The following RGS3 variants were observed in gnomAD, a reference collection of about 807,000 sequenced individuals.
RGS3 encodes the protein regulator of G-protein signalling 3.
A neutral mutation model predicts 132.6 loss-of-function variants in RGS3; 80 were observed. That is an observed-to-expected ratio of 0.60 (90% CI 0.50 to 0.73). RGS3 has a LOEUF of 0.73. Among genes scored for constraint, RGS3 ranks in the 30% least tolerant of loss-of-function variants. The pLI, the probability that RGS3 is intolerant of heterozygous loss-of-function variation, is 0.00. For missense variants in RGS3, 1,382 were observed against 1,530.8 expected (o/e 0.90, Z 1.62); for synonymous variants, 598 against 620.6 (o/e 0.96, Z 0.54).
At chr9:113,592,850 G>T (rs1181615168) in intron 21 of RGS3, 1 of 152,092 alleles carries the variant, frequency 6.6e-6, no homozygotes, top group Non-Finnish European at 1.5e-5. Flanking sequence ...GTAATAATAA[G>T]AATAACCATT....
chr9:113,579,563 GC>G lies in RGS3; in HGVS notation c.2038-3884del, dbSNP rs1314740103. On this transcript the variant is annotated intron_variant, in intron 19 of 24. Coordinates refer to ENST00000350696, the Ensembl canonical transcript of RGS3. This position sits in a 1 kb window ranked among gnomAD's most constrained non-coding sequence, Gnocchi z 4.3. ...TGGCTTCCAGCACTCTAGACCCAAG[GC>G]CCTGGGTGAGCAAGCTGGTCTTCCT... 6.6e-6 allele frequency among the ~76,000 whole-genome samples: 1 copy of G among 152,142 alleles called. No individual in the cohort carries two copies. Among genetic ancestry groups the G allele is most frequent in the Non-Finnish European group, 1.5e-5 (1 of 68,016 alleles).
exon 19 of RGS3, chr9:113,536,908 C>T (rs760001285): frequency 2.4e-5 from 39 of 1,613,912 alleles, no homozygotes; most frequent in East Asian, 2.0e-4. Flanking sequence ...GCATCACCCC[C>T]GGACAGCAAG....
chr9:113,584,806 C>T (rs1400309459), intron 20 of RGS3, among the ~76,000 whole-genome samples: 1 of 152,242 alleles, frequency 6.6e-6, no homozygotes, highest in Non-Finnish European at 1.5e-5. Flanking sequence ...AATGACAACA[C>T]ACATTTATTC....
chr9:113,524,743 CA>C (rs1480878290), intron 17 of RGS3, among the ~76,000 whole-genome samples: 3 of 152,244 alleles, frequency 2.0e-5, no homozygotes, highest in Non-Finnish European at 4.4e-5. Context: ...TGCCCTCACA[CA>C]GAACCCCAGA....
At chr9:113,470,588 T>C (rs1302300936) in intron 3 of RGS3, among the ~76,000 whole-genome samples, 1 of 152,262 alleles carries the variant, frequency 6.6e-6, no homozygotes, top group Non-Finnish European at 1.5e-5. Context: ...ATTTAATATT[T>C]GCCTGACATA....
chr9:113,527,547 G>T (rs1246498787), intron 17 of RGS3, among the ~76,000 whole-genome samples: 3 of 152,180 alleles, frequency 2.0e-5, no homozygotes, highest in Admixed American at 6.5e-5. Flanking sequence ...CCAGTCCATC[G>T]CTAGGTGGGA....
At chr9:113,541,273 G>C in intron 19 of RGS3, 1 of 1,588,782 alleles carries the variant, frequency 6.3e-7, no homozygotes, top group Non-Finnish European at 8.6e-7. Flanking sequence ...CAGGCAGCCC[G>C]GCCTGAGTAG....
intron 24 of RGS3, among the ~76,000 whole-genome samples, chr9:113,596,532 G>A (rs1013252923): frequency 1.3e-5 from 2 of 152,302 alleles, no homozygotes; most frequent in East Asian, 1.9e-4. Flanking sequence ...TTTGAACCCA[G>A]GAAGCCTAAC....
chr9:113,475,996 G>A (rs1262339625), intron 3 of RGS3, among the ~76,000 whole-genome samples: 2 of 150,572 alleles, frequency 1.3e-5, no homozygotes, highest in Admixed American at 1.3e-4. Flanking sequence ...GAGTTGCAGT[G>A]GTGTGATCAT....
At chr9:113,563,918 C>T (rs1322346923) in intron 19 of RGS3, among the ~76,000 whole-genome samples, 1 of 152,106 alleles carries the variant, frequency 6.6e-6, no homozygotes, top group Non-Finnish European at 1.5e-5. Flanking sequence ...GTGCTTCAGC[C>T]TAGGTGGCCA....
chr9:113,572,868 T>A (rs1047332125), intron 19 of RGS3, among the ~76,000 whole-genome samples: 5 of 151,990 alleles, frequency 3.3e-5, no homozygotes, highest in African/African-American at 9.7e-5. Context: ...CTTCCAAGTT[T>A]CCCCCCCTGA....
intron 19 of RGS3, among the ~76,000 whole-genome samples, chr9:113,566,727 AC>A (rs1341248942): frequency 6.6e-6 from 1 of 152,204 alleles, no homozygotes; most frequent in East Asian, 1.9e-4. Context: ...AAAACTTTCC[AC>A]ATCCTGCTGC....
At chr9:113,466,141 G>A (rs527335754) in intron 3 of RGS3, among the ~76,000 whole-genome samples, 1 of 152,210 alleles carries the variant, frequency 6.6e-6, no homozygotes, top group Non-Finnish European at 1.5e-5. Context: ...GCCATAGAGC[G>A]TTCAGACTGT....
In RGS3 at chr9:113,507,685, G is replaced by C. The variant is rs1020033624; in HGVS notation, c.1437+47G>C. 2 of 1,401,990 alleles carry C rather than the reference G, an allele frequency of 1.4e-6. No homozygotes were observed. The highest frequency in any genetic ancestry group is 1.9e-6 in the Non-Finnish European group (2 of 1,063,762). 86.8% of individuals were successfully genotyped at this position (1,401,990 alleles called of 1,614,324 possible). ...AAGGTGAAGGGTACTGGGTCCCTGT[G>C]GGAGGCCAGGAAGACTTGAAGACCC... On this transcript the variant is annotated intron_variant, in intron 13 of 24. Transcript: ENST00000350696. The surrounding 1 kb of genome is among the most constrained non-coding windows in gnomAD (Gnocchi z 5.0).
chr9:113,491,168 TTATA>T (rs1218221008), intron 7 of RGS3, among the ~76,000 whole-genome samples: 2 of 145,732 alleles, frequency 1.4e-5, no homozygotes, highest in East Asian at 3.9e-4. Context: ...TATATATTCT[TTATA>T]TATTATTATA....
chr9:113,501,946 G>A (rs1830917971), intron 10 of RGS3, among the ~76,000 whole-genome samples: 1 of 152,230 alleles, frequency 6.6e-6, no homozygotes, highest in Non-Finnish European at 1.5e-5. Flanking sequence ...GAGCAGCTGG[G>A]AGCAGAGTTT....
intron 20 of RGS3, among the ~76,000 whole-genome samples, chr9:113,588,764 G>A (rs144157932): frequency 5.9e-5 from 9 of 152,322 alleles, no homozygotes; most frequent in East Asian, 3.9e-4. Flanking sequence ...TGCTGAGCAC[G>A]TCCCCGTGTT....
upstream of RGS3, among the ~76,000 whole-genome samples, chr9:113,457,819 G>A (rs761311413): frequency 2.2e-4 from 34 of 152,098 alleles, no homozygotes; most frequent in Non-Finnish European, 4.7e-4. Flanking sequence ...AGAAAACCCA[G>A]GTAGCTTTTG....
At chr9:113,592,472 C>G (rs533242560) in intron 21 of RGS3, 4 of 152,182 alleles carry the variant, frequency 2.6e-5, no homozygotes, top group African/African-American at 9.6e-5. Flanking sequence ...GTAGGTGCTG[C>G]CTTTTGAATT....
Sources: gnomAD v4.1 joint callset for allele counts (sites outside exome capture counted in the v4.1 genomes callset) on GRCh38, gnomAD v4.1.1 for gene constraint, Gnocchi (gnomAD v3.1) non-coding constraint, MANE v1.5 for transcripts, NCBI Gene and HGNC (gene_info 2026-07-23, HGNC 2026-07-21) for gene names.